The following REV3L variants were observed in gnomAD, a reference collection of about 807,000 sequenced individuals.
REV3L encodes the protein DNA polymerase zeta catalytic subunit.
Under a neutral mutation model 299.4 loss-of-function variants are expected in REV3L, and 69 were observed. That is an observed-to-expected ratio of 0.23 (90% CI 0.19 to 0.28). REV3L has a LOEUF of 0.28. Ranked by LOEUF, REV3L falls within the 10% of genes least tolerant of loss-of-function variation. The pLI, the probability that REV3L is intolerant of heterozygous loss-of-function variation, is 1.00. For missense variants in REV3L, 3,128 were observed against 3,693.8 expected (o/e 0.85, Z 3.97); for synonymous variants, 1,238 against 1,271.4 (o/e 0.97, Z 0.56).
Position 111,372,727 on chromosome 6 carries a change from G to A in REV3L, c.5628C>T (p.Asn1876=). ...KNGSFTPRTA[N]ILKPLMSPPS... is the part of the protein sequence containing the mutation. ...GGGGGGACATAAGTGGTTTCAGAAT[G>A]TTAGCAGTTCGAGGGGTGAAGCTGC... is the stretch of plus-strand genomic sequence containing the variant. Residue 1876 remains asparagine, a synonymous_variant, in exon 13 of 32, where the codon AAC becomes AAT. Coordinates refer to ENST00000368802, the MANE Select transcript of REV3L (RefSeq NM_001372078.1). The A allele has an allele frequency of 6.2e-7, 1 of 1,611,254 alleles. No homozygotes were observed. The highest frequency in any genetic ancestry group is 8.5e-7 in the Non-Finnish European group (1 of 1,178,836).
At chr6:111,397,090 AT>A (rs74625603) in intron 4 of REV3L, among the ~76,000 whole-genome samples, 106 of 139,958 alleles carry the variant, frequency 7.6e-4, no homozygotes, top group Middle Eastern at 4.0e-3. Flanking sequence ...GATCTTTTGT[AT>A]TTTTTTTTTT....
chr6:111,461,316 A>G (rs1438818021), intron 1 of REV3L, among the ~76,000 whole-genome samples: 1 of 152,126 alleles, frequency 6.6e-6, no homozygotes, highest in African/African-American at 2.4e-5. Context: ...AAAAGTTTTA[A>G]AAGTAAAAAT....
intron 27 of REV3L, 62 bp from the exon 28 acceptor site, chr6:111,313,551 T>C (rs1773204468): frequency 6.8e-7 from 1 of 1,481,026 alleles, no homozygotes; most frequent in African/African-American, 1.4e-5. Flanking sequence ...AATGTTTTAT[T>C]TTTATGTCTT....
chr6:111,302,066 A>C (rs767755409), intron 31 of REV3L, among the ~76,000 whole-genome samples: 10 of 152,228 alleles, frequency 6.6e-5, no homozygotes, highest in Non-Finnish European at 1.3e-4. Context: ...CTCACAGGCC[A>C]GTGAAGTTTT....
intron 1 of REV3L, among the ~76,000 whole-genome samples, chr6:111,474,018 C>G (rs908760703): frequency 6.7e-6 from 1 of 150,102 alleles, no homozygotes; most frequent in Non-Finnish European, 1.5e-5. Flanking sequence ...CACTGGACAA[C>G]AGGAGGGCAT....
chr6:111,450,875 C>G (rs962367010), intron 1 of REV3L, among the ~76,000 whole-genome samples: 38 of 152,180 alleles, frequency 2.5e-4, no homozygotes, highest in African/African-American at 8.4e-4. Flanking sequence ...AGACAACCAA[C>G]CAGTCTGTGT....
chr6:111,466,385 A>T (rs1022550571), intron 1 of REV3L, among the ~76,000 whole-genome samples: 1 of 152,060 alleles, frequency 6.6e-6, no homozygotes, highest in Non-Finnish European at 1.5e-5. Context: ...GACACATTAG[A>T]TTTTTTTTAA....
At chr6:111,393,470 A>G (rs749725498) in intron 4 of REV3L, among the ~76,000 whole-genome samples, 39 of 152,228 alleles carry the variant, frequency 2.6e-4, no homozygotes, top group Non-Finnish European at 4.9e-4. Context: ...GGATGCCATC[A>G]GCCCAAACAT....
rs1026025343 is a variant in REV3L at position 111,374,807 on chromosome 6, T to C, written c.3548A>G (p.Asn1183Ser). 18 of 1,612,932 alleles carry C rather than the reference T, an allele frequency of 1.1e-5. No individual in the cohort carries two copies. Among genetic ancestry groups the C allele is most frequent in the Non-Finnish European group, 1.5e-5 (18 of 1,179,738 alleles). Reference protein sequence around the residue: ...QIKKSKAKLANPSIVTKKRNK... With the variant: ...QIKKSKAKLASPSIVTKKRNK... The stretch of plus-strand genomic sequence containing the variant: ...CCTTTTCTTAGTAACTATAGAGGGA[T>C]TAGCAAGCTTTGCTTTTGATTTCTT... The change falls in exon 13 of 32, where the codon AAT becomes AGT. Residue 1183 changes from asparagine (N) to serine (S), a missense_variant. Asn to Ser is a conservative substitution (Grantham distance 46). This residue lies in a region of REV3L where 2,409 missense variants were observed against 2,611.8 expected (regional missense o/e 0.92). Coordinates refer to ENST00000368802, the MANE Select transcript of REV3L (RefSeq NM_001372078.1).
rs1421263927 is a variant in REV3L at position 111,482,636 on chromosome 6, A to T, written c.139+114T>A. The T allele has an allele frequency of 9.1e-6, 5 of 549,838 alleles. No homozygotes were observed. In the South Asian group the frequency reaches 2.5e-4, roughly 27 times the overall value. 34.1% of individuals were successfully genotyped at this position (549,838 alleles called of 1,614,324 possible). On this transcript the variant is annotated intron_variant, in intron 1 of 31. Coordinates refer to ENST00000368802, the MANE Select transcript of REV3L (RefSeq NM_001372078.1). ...GGGCGGAGGGGAGGGAAGACGCGGC[A>T]GCGATCCACGGAGACGGCCGGCGCC...
In REV3L at chr6:111,303,165, C is replaced by CTTTCTTTTTTTTTTTT. The variant is rs4038141; in HGVS notation, c.9253-3010_9253-3009insAAAAAAAAAAAAGAAA. ...AATGTACTGAGGCTTTCTTTTCTTTCTTTTTTTTTTTTTTTTTGAGATGAG... is the reference window on the plus strand; with the variant it reads ...AATGTACTGAGGCTTTCTTTTCTTTCTTTCTTTTTTTTTTTTTTTTTTTTTTTTTTTTTGAGATGAG... On this transcript the variant is annotated intron_variant, in intron 31 of 31. Transcript: ENST00000368802. Among the ~76,000 whole-genome samples the CTTTCTTTTTTTTTTTT allele has an allele frequency of 4.1e-3, 374 of 92,320 alleles. 6 individuals carry two copies. Among genetic ancestry groups the CTTTCTTTTTTTTTTTT allele is most frequent in the Non-Finnish European group, 6.4e-3 (307 of 47,746 alleles). 60.6% of individuals were successfully genotyped at this position (92,320 alleles called of 152,430 possible).
chr6:111,329,270 T>C (rs1269237855), intron 25 of REV3L, among the ~76,000 whole-genome samples: 2 of 151,920 alleles, frequency 1.3e-5, no homozygotes, highest in Non-Finnish European at 2.9e-5. Context: ...TCGCGACTCC[T>C]GACCTCATGT....
chr6:111,434,526 G>A (rs945052524), intron 1 of REV3L, among the ~76,000 whole-genome samples: 2 of 151,920 alleles, frequency 1.3e-5, no homozygotes, highest in Non-Finnish European at 2.9e-5. Context: ...GGCTGAGGCA[G>A]GAGAATGGCG....
At chr6:111,393,747 G>A (rs1388091203) in intron 4 of REV3L, among the ~76,000 whole-genome samples, 2 of 151,804 alleles carry the variant, frequency 1.3e-5, no homozygotes, top group Non-Finnish European at 2.9e-5. Flanking sequence ...GCCCAGACTG[G>A]AATCAATCTC....
rs1163286943 is a variant in REV3L at position 111,299,272 on chromosome 6, C to G, written c.*744G>C. 1 of 152,404 alleles carries G rather than the reference C, an allele frequency of 6.6e-6. No individual in the cohort carries two copies. The highest frequency in any genetic ancestry group is 1.5e-5 in the Non-Finnish European group (1 of 67,978). The allele number at this position is 152,404 out of a possible 1,614,324, so 9.4% of individuals were successfully genotyped here. A position where few individuals can be genotyped will look rare whatever the true frequency, so the allele number is the denominator to read the frequency against. On this transcript the variant is annotated 3_prime_UTR_variant, in exon 32 of 32. Transcript: ENST00000368802. ...TTTAGAAGCAATAGAAATGTCTATA[C>G]AAAACAAGCAAATGGAATAAAATTT...
intron 1 of REV3L, chr6:111,430,811 A>C: frequency 6.2e-7 from 1 of 1,608,722 alleles, no homozygotes; most frequent in Non-Finnish European, 8.5e-7. Flanking sequence ...AGGAAAGCTG[A>C]CCAGGCGGCT....
chr6:111,474,988 T>TATATACACACACACACACAC (rs151075609), intron 1 of REV3L, among the ~76,000 whole-genome samples: 3 of 145,844 alleles, frequency 2.1e-5, no homozygotes, highest in African/African-American at 5.2e-5. Flanking sequence ...TGCCTATATA[T>TATATACACACACACACACAC]ACACACACAC....
chr6:111,364,559 TAATA>T (rs17511034), intron 15 of REV3L, among the ~76,000 whole-genome samples: 3,713 of 152,158 alleles, frequency 0.024, 58 homozygotes, highest in Admixed American at 0.065. Flanking sequence ...TAGTATTTTT[TAATA>T]TATATAGCTT....
At chr6:111,472,232 T>A in intron 1 of REV3L, 1 of 635,484 alleles carries the variant, frequency 1.6e-6, no homozygotes, top group Non-Finnish European at 2.2e-6. Flanking sequence ...CATATCAACA[T>A]GTATTCTTAT....
Sources: gnomAD v4.1 joint callset for allele counts (sites outside exome capture counted in the v4.1 genomes callset) on GRCh38, gnomAD v4.1.1 for gene constraint, gnomAD v4.1.1 regional missense constraint, MANE v1.5 for transcripts, NCBI Gene and HGNC (gene_info 2026-07-23, HGNC 2026-07-21) for gene names.